The following SLC16A2 variants were observed in gnomAD, a reference collection of about 807,000 sequenced individuals.
SLC16A2 encodes solute carrier family 16 member 2.
Under a neutral mutation model 27.2 loss-of-function variants are expected in SLC16A2, and 3 were observed. The ratio of observed to expected loss-of-function variants is 0.11; its 90% confidence interval spans 0.05 to 0.28. The LOEUF is 0.28. Ranked by LOEUF, SLC16A2 falls within the 10% of genes least tolerant of loss-of-function variation. The pLI, the probability that SLC16A2 is intolerant of heterozygous loss-of-function variation, is 1.00. For synonymous variants in SLC16A2, 202 were observed against 187.8 expected (o/e 1.08, Z -0.62); for missense variants, 295 against 458.5 (o/e 0.64, Z 3.26).
In SLC16A2 at chrX:74,421,902, G is replaced by A. The variant is rs201661705; in HGVS notation, c.265G>A (p.Ala89Thr). 48 of 1,209,395 alleles carry A rather than the reference G, an allele frequency of 4.0e-5. No individual in the cohort carries two copies. In the Admixed American group the frequency reaches 1.0e-3, roughly 25 times the overall value. Residue 89 changes from alanine to threonine, a missense_variant, in exon 1 of 6, where the codon GCG becomes ACG. By Grantham distance (58) the Ala-to-Thr change is moderately conservative. This residue lies in a region of SLC16A2 where 92 missense variants were observed against 85.1 expected (regional missense o/e 1.08). Coordinates refer to ENST00000587091, the MANE Select transcript of SLC16A2 (RefSeq NM_006517.5). ...PTPTVETRGT[A>T]RGFQPPEGGF... is the part of the protein sequence containing the mutation. Reference sequence around the variant, plus strand: ...GCCTACGGTAGAGACCCGCGGCACCGCGCGCGGCTTCCAGCCTCCCGAAGG... The same window carrying A: ...GCCTACGGTAGAGACCCGCGGCACCACGCGCGGCTTCCAGCCTCCCGAAGG...
At chrX:74,441,945 G>T (rs979258156) in intron 1 of SLC16A2, among the ~76,000 whole-genome samples, 1 of 110,741 alleles carries the variant, frequency 9.0e-6, no homozygotes, top group South Asian at 3.9e-4. Context: ...ATGGGAATTT[G>T]CAGCCGGGTG....
intron 1 of SLC16A2, among the ~76,000 whole-genome samples, chrX:74,449,073 G>A (rs1928890832): frequency 9.0e-6 from 1 of 111,414 alleles, no homozygotes; most frequent in Admixed American, 9.6e-5. Context: ...GATGGCTGTG[G>A]AAGGCAAGGC....
At chrX:74,459,320 GC>G (rs1306288699) in intron 1 of SLC16A2, among the ~76,000 whole-genome samples, 1 of 63,744 alleles carries the variant, frequency 1.6e-5, no homozygotes. Context: ...TGAGGCCAGT[GC>G]CCCCCCAGGG....
chrX:74,511,400 C>G (rs755962553), intron 1 of SLC16A2, among the ~76,000 whole-genome samples: 10 of 111,658 alleles, frequency 9.0e-5, no homozygotes, highest in Non-Finnish European at 1.7e-4. Flanking sequence ...CTATGATGGT[C>G]TCTATCTCCT....
At chrX:74,516,398 T>C (rs1271500527) in intron 1 of SLC16A2, among the ~76,000 whole-genome samples, 1 of 112,016 alleles carries the variant, frequency 8.9e-6, no homozygotes, top group African/African-American at 3.2e-5. Flanking sequence ...AGAAAAATTA[T>C]AATAATGCCT....
intron 1 of SLC16A2, among the ~76,000 whole-genome samples, chrX:74,498,226 C>T: frequency 8.9e-6 from 1 of 111,952 alleles, no homozygotes; most frequent in Non-Finnish European, 1.9e-5. Flanking sequence ...CAATAACCAG[C>T]CATTGTTCTG....
At chrX:74,448,463 C>A (rs1387280929) in intron 1 of SLC16A2, among the ~76,000 whole-genome samples, 2 of 109,868 alleles carry the variant, frequency 1.8e-5, no homozygotes, top group African/African-American at 6.6e-5. Context: ...GTTCTCTCAC[C>A]CTTTCTGATC....
intron 1 of SLC16A2, among the ~76,000 whole-genome samples, chrX:74,470,894 C>T (rs1929343513): frequency 9.0e-6 from 1 of 110,631 alleles, no homozygotes; most frequent in African/African-American, 3.3e-5. Context: ...GCCAAGATGG[C>T]GCCACTGCAC....
intron 1 of SLC16A2, among the ~76,000 whole-genome samples, chrX:74,442,615 C>T (rs1928771183): frequency 8.9e-6 from 1 of 112,182 alleles, no homozygotes; most frequent in African/African-American, 3.2e-5. Context: ...TTAATTATTT[C>T]ATTGAATCCT....
intron 1 of SLC16A2, among the ~76,000 whole-genome samples, chrX:74,442,849 C>T (rs749867418): frequency 1.8e-5 from 2 of 111,497 alleles, no homozygotes; most frequent in Admixed American, 1.9e-4. Flanking sequence ...CCCAGCTATT[C>T]GGGAGGCTGA....
At chrX:74,482,420 A>G (rs1200804576) in intron 1 of SLC16A2, among the ~76,000 whole-genome samples, 1 of 111,419 alleles carries the variant, frequency 9.0e-6, no homozygotes, top group Non-Finnish European at 1.9e-5. Flanking sequence ...TGGGAATCCC[A>G]TTGCATGTAT....
intron 1 of SLC16A2, among the ~76,000 whole-genome samples, chrX:74,496,161 G>A (rs1929930009): frequency 9.0e-6 from 1 of 111,055 alleles, no homozygotes; most frequent in African/African-American, 3.3e-5. Flanking sequence ...GAAGAGGAGA[G>A]CCTAAGGAGC....
At chrX:74,514,603 T>C (rs1235943504) in intron 1 of SLC16A2, among the ~76,000 whole-genome samples, 3 of 111,521 alleles carry the variant, frequency 2.7e-5, no homozygotes, top group Non-Finnish European at 5.7e-5. Flanking sequence ...ACTTTCACTC[T>C]TGCCCGGGTA....
chrX:74,427,410 A>C (rs771607667), intron 1 of SLC16A2, among the ~76,000 whole-genome samples: 10 of 111,684 alleles, frequency 9.0e-5, no homozygotes, highest in Non-Finnish European at 1.5e-4. Flanking sequence ...CTGCAGCGTC[A>C]GGGCTTAGCT....
chrX:74,429,907 A>C (rs1421493286), intron 1 of SLC16A2, among the ~76,000 whole-genome samples: 1 of 111,842 alleles, frequency 8.9e-6, no homozygotes, highest in Non-Finnish European at 1.9e-5. Flanking sequence ...AGGTAGAAGA[A>C]TAGAGATGAC....
chrX:74,423,074 C>A (rs770500125), intron 1 of SLC16A2, among the ~76,000 whole-genome samples: 2 of 112,779 alleles, frequency 1.8e-5, no homozygotes, highest in Non-Finnish European at 3.8e-5. Context: ...TCATTGAGGC[C>A]GCCTGTGAGC....
intron 1 of SLC16A2, among the ~76,000 whole-genome samples, chrX:74,457,512 A>G (rs770429910): frequency 3.6e-5 from 4 of 111,594 alleles, no homozygotes. Context: ...GCTGTCCTTG[A>G]GCTCCATTGA....
At chrX:74,511,476 C>T (rs994274820) in intron 1 of SLC16A2, among the ~76,000 whole-genome samples, 2 of 112,346 alleles carry the variant, frequency 1.8e-5, no homozygotes, top group Admixed American at 9.4e-5. Context: ...CCACCGCACC[C>T]GGCCGCGATT....
At chrX:74,453,114 C>T (rs1379143571) in intron 1 of SLC16A2, among the ~76,000 whole-genome samples, 2 of 106,127 alleles carry the variant, frequency 1.9e-5, no homozygotes, top group Non-Finnish European at 3.9e-5. Context: ...GTGGTACGAT[C>T]TTGGCTCACT....
Sources: gnomAD v4.1 joint callset for allele counts (sites outside exome capture counted in the v4.1 genomes callset) on GRCh38, gnomAD v4.1.1 for gene constraint, gnomAD v4.1.1 regional missense constraint, MANE v1.5 for transcripts, NCBI Gene and HGNC (gene_info 2026-07-23, HGNC 2026-07-21) for gene names.